The following E4F1 variants were observed in gnomAD, a reference collection of about 807,000 sequenced individuals.
E4F1 encodes the protein E4F transcription factor 1, also known as transcription factor E4F1.
E4F1 carries 30 observed loss-of-function variants against 72.9 expected under a neutral mutation model. The ratio of observed to expected loss-of-function variants is 0.41; its 90% CI spans 0.31 to 0.56. The LOEUF (loss-of-function observed/expected upper bound fraction) is 0.56, where lower values mean the gene tolerates loss of function less well. Ranked by LOEUF, E4F1 falls within the 20% of genes least tolerant of loss-of-function variation. The pLI is 0.25. For synonymous variants in E4F1, 542 were observed against 478.2 expected, an observed-to-expected ratio of 1.13 and a Z score of -1.74; for missense variants, 1,091 against 1,117.5, an observed-to-expected ratio of 0.98 and a Z score of 0.34.
At position 2,223,728 on chromosome 16, in the gene E4F1, C is replaced by G. The variant is rs1220036579; in HGVS notation, c.115C>G (p.Pro39Ala). 6.5e-7 allele frequency: 1 copy of G among 1,544,948 alleles called. No individual in the cohort carries two copies. The highest frequency in any genetic ancestry group is 8.6e-7 in the Non-Finnish European group (1 of 1,156,948). The stretch of plus-strand genomic sequence containing the variant: ...TGCGGCGGTGGCGGCGGCCTTGGCC[C>G]CCAGCGGCTTCCTCGGCCTCCCGGC... ...AVAAVAAALAPSGFLGLPAPF... is the reference protein window; with the variant it reads ...AVAAVAAALAASGFLGLPAPF... Residue 39 changes from proline to alanine, a missense_variant, in exon 1 of 14, where the codon CCC becomes GCC. Physicochemically the swap from Pro to Ala is conservative, Grantham distance 27 (BLOSUM62 -1). Transcript: ENST00000301727.
intron 7 of E4F1, 109 bp from the exon 8 acceptor site, chr16:2,233,329 C>T (rs879377196): frequency 7.0e-7 from 1 of 1,426,986 alleles, no homozygotes; most frequent in Non-Finnish European, 9.3e-7. Context: ...GTGGGAGCGC[C>T]ATGGGGGTCT....
Position 2,232,742 on chromosome 16 carries a change from G to A in E4F1, c.731-14G>A. On this transcript the variant is annotated splice_polypyrimidine_tract_variant and intron_variant, in intron 5 of 13. Transcript: ENST00000301727. Reference sequence around the variant, plus strand: ...TGCTGGGGCTGCCCGGGGCTGACTAGGTTCTCTCTGCAGATGAGCGCCCCT... The same window carrying A: ...TGCTGGGGCTGCCCGGGGCTGACTAAGTTCTCTCTGCAGATGAGCGCCCCT... 6.2e-7 allele frequency: 1 copy of A among 1,612,928 alleles called. No individual in the cohort carries two copies. The highest frequency in any genetic ancestry group is 1.3e-5 in the African/African-American group (1 of 75,046).
At chr16:2,224,295 C>G (rs917600163) in intron 1 of E4F1, among the ~76,000 whole-genome samples, 7 of 152,218 alleles carry the variant, frequency 4.6e-5, no homozygotes, top group African/African-American at 1.7e-4. Context: ...TTGCCGCTTT[C>G]TAGTTCTTTG....
chr16:2,233,213 G>C (rs889130567), intron 7 of E4F1, 30 bp downstream of exon 7: 9 of 1,575,478 alleles, frequency 5.7e-6, no homozygotes, highest in Non-Finnish European at 6.9e-6. Flanking sequence ...CCGGAGGGCT[G>C]CTCTGTCTTC....
chr16:2,228,606 G>T, intron 2 of E4F1, 83 bp downstream of exon 2: 1 of 1,516,192 alleles, frequency 6.6e-7, no homozygotes, highest in Non-Finnish European at 8.9e-7. Flanking sequence ...ATGGACCTGT[G>T]CAGCCGGTTC....
chr16:2,229,705 G>C, intron 3 of E4F1, 30 bp downstream of exon 3: 1 of 1,608,650 alleles, frequency 6.2e-7, no homozygotes, highest in Admixed American at 1.7e-5. Flanking sequence ...TCGCTGGCCT[G>C]ATAGACCTTC....
chr16:2,227,538 A>C lies in E4F1; in HGVS notation c.158-834A>C, dbSNP rs1338213694. 2.6e-5 allele frequency among the ~76,000 whole-genome samples: 4 copies of C among 152,050 alleles called. No individual in the cohort carries two copies. The East Asian group carries it at 7.8e-4, about 30-fold the overall frequency. On this transcript the variant is annotated intron_variant, in intron 1 of 13. Transcript: ENST00000301727. ...AGGCACCTGCCACCATGCCTGGCTA[A>C]GTTTTTTGCATTTTTAGTAGAGACG...
At chr16:2,229,830 G>A (rs961140177) in intron 3 of E4F1, 155 bp downstream of exon 3, 1 of 739,902 alleles carries the variant, frequency 1.4e-6, no homozygotes. Flanking sequence ...GGCACAGCCT[G>A]CAGGAGGAGG....
rs769810472 is a variant in E4F1 at position 2,233,502 on chromosome 16, C to G, written c.1121C>G (p.Ala374Gly). The G allele has an allele frequency of 1.3e-6, 2 of 1,513,000 alleles. No homozygotes were observed. Among genetic ancestry groups the G allele is most frequent in the Non-Finnish European group, 1.8e-6 (2 of 1,132,352 alleles). 93.7% of individuals were successfully genotyped at this position (1,513,000 alleles called of 1,614,324 possible). Residue 374 changes from alanine to glycine, a missense_variant, in exon 8 of 14, where the codon GCC becomes GGC. Coordinates refer to ENST00000301727, the MANE Select transcript of E4F1 (RefSeq NM_004424.5). ...AGCCGTGAGAACCTGCTGCACCAGG[C>G]CATGCAGAACTCCGGCATCGTCCTT... ...EGSRENLLHQ[A>G]MQNSGIVLER...
chr16:2,231,625 G>T lies in E4F1; in HGVS notation c.416-546G>T, dbSNP rs181388128. 5.2e-5 allele frequency: 8 copies of T among 154,368 alleles called. No homozygotes were observed. In the South Asian group the frequency reaches 1.0e-3, roughly 20 times the overall value. 9.6% of individuals were successfully genotyped at this position (154,368 alleles called of 1,614,324 possible). ...AGAAGTGCAAAAGCCCAGCTTCCTCGCCTCAGGCTGTCCCGGGTGTCTGGA... is the reference window on the plus strand; with the variant it reads ...AGAAGTGCAAAAGCCCAGCTTCCTCTCCTCAGGCTGTCCCGGGTGTCTGGA... On this transcript the variant is annotated intron_variant, in intron 3 of 13. Coordinates refer to ENST00000301727, the MANE Select transcript of E4F1 (RefSeq NM_004424.5).
chr16:2,229,455 T>A (rs1467668162), intron 2 of E4F1, 115 bp from the exon 3 acceptor site: 5 of 1,114,612 alleles, frequency 4.5e-6, no homozygotes, highest in Non-Finnish European at 6.5e-6. Flanking sequence ...GACCCAGGCC[T>A]GAGCACCACA....
At position 2,234,748 on chromosome 16, in the gene E4F1, C is replaced by G; in HGVS notation, c.1759C>G (p.His587Asp). ...CAAGTGCGGCCGTGGCTTCGCCGAG[C>G]ACGGCACGCTGAACCGGCACCTGCG... is the stretch of plus-strand genomic sequence containing the variant. The part of the protein sequence containing the change: ...CYKCGRGFAE[H>D]GTLNRHLRTK... Residue 587 changes from histidine to aspartate, a missense_variant, in exon 11 of 14, where the codon CAC becomes GAC. His to Asp is a moderately conservative substitution (Grantham distance 81). Around this residue, in one of 5 missense-constraint regions of E4F1, gnomAD observed 622 missense variants for 628.0 expected, o/e 0.99. Coordinates refer to ENST00000301727, the MANE Select transcript of E4F1 (RefSeq NM_004424.5). 1 of 1,552,512 alleles carries G rather than the reference C, an allele frequency of 6.4e-7. No individual in the cohort carries two copies. The highest frequency in any genetic ancestry group is 2.4e-5 in the East Asian group (1 of 41,250).
At chr16:2,232,652 C>T (rs1596766435) in intron 5 of E4F1, 76 bp downstream of exon 5, 1 of 1,604,222 alleles carries the variant, frequency 6.2e-7, no homozygotes, top group East Asian at 2.2e-5. Flanking sequence ...GCCTCGCATT[C>T]CCCAGCTTTG....
chr16:2,225,775 C>G (rs1375618354), intron 1 of E4F1, among the ~76,000 whole-genome samples: 1 of 147,734 alleles, frequency 6.8e-6, no homozygotes, highest in Non-Finnish European at 1.5e-5. Context: ...CCCGGCTCCT[C>G]CCAGTCTCTG....
At chr16:2,224,348 C>T (rs1439221511) in intron 1 of E4F1, among the ~76,000 whole-genome samples, 1 of 152,238 alleles carries the variant, frequency 6.6e-6, no homozygotes, top group Non-Finnish European at 1.5e-5. Flanking sequence ...TCTATTTCCC[C>T]TACAGAATGG....
At chr16:2,227,562 C>T (rs1021488461) in intron 1 of E4F1, among the ~76,000 whole-genome samples, 9 of 152,006 alleles carry the variant, frequency 5.9e-5, no homozygotes, top group South Asian at 2.1e-4. Flanking sequence ...TTAGTAGAGA[C>T]GGGGTTTCAC....
Position 2,233,176 on chromosome 16 carries a change from C to T in E4F1, c.1049C>T (p.Ala350Val), listed in dbSNP as rs1490798864. 1.9e-6 allele frequency: 3 copies of T among 1,601,338 alleles called. No homozygotes were observed. In the South Asian group the frequency reaches 3.3e-5, roughly 18 times the overall value. Residue 350 changes from alanine (A) to valine (V), a missense_variant, in exon 7 of 14, where the codon GCC (alanine) becomes GTC (valine). This residue lies in a region of E4F1 where 622 missense variants were observed against 628.0 expected (regional missense o/e 0.99). Coordinates refer to ENST00000301727, the MANE Select transcript of E4F1 (RefSeq NM_004424.5). ...CTGTCCCTGGGCATGAAAGCCCTGG[C>T]CCCAGAGGTGGGGGCGACGGGGGGC... ...QELSLGMKALAPEPPVSQELP... is the reference protein window; with the variant it reads ...QELSLGMKALVPEPPVSQELP...
At chr16:2,228,268 G>T in intron 1 of E4F1, 104 bp from the exon 2 acceptor site, 1 of 1,468,168 alleles carries the variant, frequency 6.8e-7, no homozygotes, top group Non-Finnish European at 9.4e-7. Context: ...GCTTCTGATG[G>T]CCTCCTGGGG....
chr16:2,231,862 G>C (rs929307701), intron 3 of E4F1: 1 of 359,108 alleles, frequency 2.8e-6, no homozygotes, highest in Non-Finnish European at 5.1e-6. Context: ...ACCAGGATTC[G>C]CACGTCCTCC....
Sources: allele counts gnomAD v4.1 joint callset (sites outside exome capture counted in the v4.1 genomes callset), GRCh38; gene constraint gnomAD v4.1.1; regional missense constraint gnomAD v4.1.1; transcripts MANE v1.5; gene names NCBI Gene and HGNC (gene_info 2026-07-23, HGNC 2026-07-21).